Variants in PRKCA observed in about 807,000 individuals in gnomAD.
PRKCA encodes protein kinase C alpha.
A neutral mutation model predicts 87.0 loss-of-function variants in PRKCA; 27 were observed. That is an observed-to-expected ratio of 0.31 (90% confidence interval 0.23 to 0.43). The LOEUF (loss-of-function observed/expected upper bound fraction) is 0.43, where lower values mean the gene tolerates loss of function less well. Ranked by LOEUF, PRKCA falls within the 20% of genes least tolerant of loss-of-function variation. PRKCA has a pLI of 1.00. For synonymous variants in PRKCA, 329 were observed against 311.1 expected (o/e 1.06, Z -0.61); for missense variants, 518 against 852.3 (o/e 0.61, Z 4.88).
At chr17:66,367,700 CT>C (rs1326764983) in intron 2 of PRKCA, among the ~76,000 whole-genome samples, 1 of 152,144 alleles carries the variant, frequency 6.6e-6, no homozygotes, top group Non-Finnish European at 1.5e-5. Flanking sequence ...CAATTAGTTC[CT>C]GGCCTCATAA....
intron 3 of PRKCA, among the ~76,000 whole-genome samples, chr17:66,590,540 T>C (rs532948081): frequency 1.3e-5 from 2 of 152,214 alleles, no homozygotes; most frequent in South Asian, 4.1e-4. Flanking sequence ...GAATACCAGC[T>C]CTCAGAAGAT....
chr17:66,801,583 C>A (rs114817938), intron 16 of PRKCA, among the ~76,000 whole-genome samples: 2,442 of 152,304 alleles, frequency 0.016, 66 homozygotes, highest in African/African-American at 0.056. Context: ...TTCAAAGAGC[C>A]TTTCTCCGTG....
chr17:66,562,097 A>AATTAATTTATAATT (rs1968707497), intron 3 of PRKCA, among the ~76,000 whole-genome samples: 1 of 114,428 alleles, frequency 8.7e-6, no homozygotes, highest in Admixed American at 9.0e-5. Context: ...TTAAATATAT[A>AATTAATTTATAATT]TAATTAAATT....
At chr17:66,648,539 T>C (rs1209583718) in intron 5 of PRKCA, among the ~76,000 whole-genome samples, 1 of 152,216 alleles carries the variant, frequency 6.6e-6, no homozygotes, top group East Asian at 1.9e-4. Flanking sequence ...GAAGATATTT[T>C]GATGACAGTT....
chr17:66,396,729 AG>A (rs1910698016), intron 2 of PRKCA, among the ~76,000 whole-genome samples: 1 of 150,940 alleles, frequency 6.6e-6, no homozygotes, highest in Non-Finnish European at 1.5e-5. Flanking sequence ...TCTGGGTTCA[AG>A]TGATTCTCCT....
At chr17:66,478,341 G>A (rs1297263493) in intron 2 of PRKCA, among the ~76,000 whole-genome samples, 4 of 151,972 alleles carry the variant, frequency 2.6e-5, no homozygotes, top group South Asian at 2.1e-4. Flanking sequence ...CGCAATCTCC[G>A]CCTTCTGGGT....
intron 8 of PRKCA, among the ~76,000 whole-genome samples, chr17:66,700,345 T>C (rs1973030232): frequency 6.6e-6 from 1 of 152,190 alleles, no homozygotes; most frequent in South Asian, 2.1e-4. Context: ...ACAGCTAACA[T>C]CCTGCTCTAT....
chr17:66,447,652 C>T (rs1158582230), intron 2 of PRKCA, among the ~76,000 whole-genome samples: 1 of 152,208 alleles, frequency 6.6e-6, no homozygotes, highest in Non-Finnish European at 1.5e-5. Flanking sequence ...GAAACCTAGA[C>T]TCAGTGTGAC....
intron 3 of PRKCA, among the ~76,000 whole-genome samples, chr17:66,620,695 G>A (rs1203339964): frequency 6.6e-6 from 1 of 151,740 alleles, no homozygotes; most frequent in Non-Finnish European, 1.5e-5. Flanking sequence ...AGAAGTCAAA[G>A]TGAACACAGT....
In PRKCA at chr17:66,711,620, G is replaced by A. The variant is rs947488766; in HGVS notation, c.919-21068G>A. Among the ~76,000 whole-genome samples, 7 of 152,240 alleles carry A rather than the reference G, an allele frequency of 4.6e-5. No homozygotes were observed. The East Asian group carries it at 1.2e-3, about 25-fold the overall frequency. On this transcript the variant is annotated intron_variant, in intron 8 of 16. Transcript: ENST00000413366. ...TGCTCTCAGCGTATTGCCTGTGTTCGTAATTAAAATCAGCCCAAGATTGTC... is the reference window on the plus strand; with the variant it reads ...TGCTCTCAGCGTATTGCCTGTGTTCATAATTAAAATCAGCCCAAGATTGTC...
At position 66,632,439 on chromosome 17, in the gene PRKCA, G is replaced by A. The variant is rs141435582; in HGVS notation, c.289-8916G>A. Among the ~76,000 whole-genome samples, 138 of 152,156 alleles carry A rather than the reference G, an allele frequency of 9.1e-4. 1 individual carries two copies. The highest frequency in any genetic ancestry group is 3.2e-3 in the African/African-American group (132 of 41,512). ...CTGTTACCCAGGCTGGAGTGCAGTG[G>A]CATGGTCAGGGCTTACTGCAAACTT... is the stretch of plus-strand genomic sequence containing the variant. On this transcript the variant is annotated intron_variant, in intron 3 of 16. Transcript: ENST00000413366.
chr17:66,764,004 A>T (rs1344781791), intron 13 of PRKCA, among the ~76,000 whole-genome samples: 1 of 152,196 alleles, frequency 6.6e-6, no homozygotes, highest in Non-Finnish European at 1.5e-5. Flanking sequence ...AGGGAACCCC[A>T]CTGGATCAAG....
chr17:66,446,900 C>T, intron 2 of PRKCA, among the ~76,000 whole-genome samples: 1 of 152,160 alleles, frequency 6.6e-6, no homozygotes, highest in South Asian at 2.1e-4. Flanking sequence ...TATTTTCTTG[C>T]ACTGAATTCT....
intron 13 of PRKCA, among the ~76,000 whole-genome samples, chr17:66,760,254 A>G (rs550217979): frequency 2.4e-4 from 37 of 152,344 alleles, no homozygotes; most frequent in Non-Finnish European, 4.3e-4. Flanking sequence ...AATAACAAAG[A>G]TAGCTAGAAA....
chr17:66,407,269 A>G (rs919977080), intron 2 of PRKCA, among the ~76,000 whole-genome samples: 1 of 151,650 alleles, frequency 6.6e-6, no homozygotes, highest in Non-Finnish European at 1.5e-5. Flanking sequence ...TGATCAGATC[A>G]TGGGGGCGGA....
At chr17:66,734,666 C>A (rs147816965) in intron 9 of PRKCA, among the ~76,000 whole-genome samples, 1 of 152,142 alleles carries the variant, frequency 6.6e-6, no homozygotes, top group Admixed American at 6.5e-5. Flanking sequence ...TCTCATCCTG[C>A]GACTAAGAAT....
chr17:66,653,245 A>G (rs1971639362), intron 5 of PRKCA, among the ~76,000 whole-genome samples: 1 of 152,232 alleles, frequency 6.6e-6, no homozygotes. Context: ...CTCAGGCAGA[A>G]AAGAAAATGT....
intron 4 of PRKCA, among the ~76,000 whole-genome samples, chr17:66,641,699 G>C (rs1971301046): frequency 1.3e-5 from 2 of 151,750 alleles, no homozygotes; most frequent in Non-Finnish European, 2.9e-5. Flanking sequence ...TTATAAATGA[G>C]GTTGGTGGGT....
chr17:66,383,086 T>G (rs1202808529), intron 2 of PRKCA, among the ~76,000 whole-genome samples: 1 of 152,252 alleles, frequency 6.6e-6, no homozygotes, highest in Non-Finnish European at 1.5e-5. Context: ...TTTTCAAAAT[T>G]TTTAAAATTC....
Sources: allele counts gnomAD v4.1 joint callset (sites outside exome capture counted in the v4.1 genomes callset), GRCh38; gene constraint gnomAD v4.1.1; transcripts MANE v1.5; gene names NCBI Gene and HGNC (gene_info 2026-07-23, HGNC 2026-07-21).